Variants in TTN observed in about 807,000 individuals in gnomAD.
TTN encodes connectin.
Under a neutral mutation model 3,223.0 loss-of-function variants are expected in TTN, and 1,525 were observed. The observed-to-expected ratio is 0.47, with a 90% CI of 0.45 to 0.49. The LOEUF is 0.49. Among genes scored for constraint, TTN ranks in the 20% least tolerant of loss-of-function variants. The pLI is 0.00. For missense variants in TTN, 40,786 were observed against 43,424.0 expected (o/e 0.94, Z 5.40); for synonymous variants, 14,094 against 15,161.0 (o/e 0.93, Z 5.17).
Position 178,614,102 on chromosome 2 carries a change from C to A in TTN, c.49295G>T (p.Gly16432Val). Reference sequence around the variant, plus strand: ...AGAGGCCTGAACTGGTTCACCAACACCATACATGTTTTCTGCAGCAACTCT... The same window carrying A: ...AGAGGCCTGAACTGGTTCACCAACAACATACATGTTTTCTGCAGCAACTCT... The part of the protein sequence containing the change: ...IFRVAAENMY[G>V]VGEPVQASPI... The change falls in exon 262 of 363, where the codon GGT becomes GTT. Residue 16432 changes from glycine to valine, a missense_variant. Physicochemically the swap from Gly to Val is moderately radical, Grantham distance 109. Transcript: ENST00000589042. 1 of 1,612,474 alleles carries A rather than the reference C, an allele frequency of 6.2e-7. No individual in the cohort carries two copies. The highest frequency in any genetic ancestry group is 2.2e-5 in the East Asian group (1 of 44,536).
intron 13 of TTN, 66 bp from the exon 14 acceptor site, chr2:178,786,207 C>T: frequency 6.4e-7 from 1 of 1,558,534 alleles, no homozygotes; most frequent in Non-Finnish European, 8.8e-7. Flanking sequence ...ATCTCCTGGG[C>T]ATCAGGACAG....
rs890681079 is a variant in TTN at position 178,636,555 on chromosome 2, G to A, written c.41172C>T (p.Ser13724=). ...TGTGCTTGGGACTCTCACGGATATT[G>A]CTACCGTCTTTCATCCAGGTTGTAA... ...TAITTWMKDG[S]NIRESPKHRF... The change falls in exon 225 of 363, where the codon AGC becomes AGT. Residue 13724 remains serine (S), a synonymous_variant. Coordinates refer to ENST00000589042, the MANE Select transcript of TTN (RefSeq NM_001267550.2). This position sits in a 1 kb window ranked among gnomAD's most constrained non-coding sequence, Gnocchi z 4.3. The A allele has an allele frequency of 6.2e-7, 1 of 1,613,334 alleles. No individual in the cohort carries two copies. Among genetic ancestry groups the A allele is most frequent in the Non-Finnish European group, 8.5e-7 (1 of 1,179,610 alleles).
rs1259557024 is a variant in TTN at position 178,727,690 on chromosome 2, A to G, written c.19888T>C (p.Phe6630Leu). 4 of 1,613,186 alleles carry G rather than the reference A, an allele frequency of 2.5e-6. No homozygotes were observed. The Admixed American group carries it at 6.7e-5, about 27-fold the overall frequency. ...CFIGLEGSTSFLNLYSVDASK... is the reference protein window; with the variant it reads ...CFIGLEGSTSLLNLYSVDASK... ...GCATCCACTGAGTAGAGATTTAAGA[A>G]GCTAGTCGACCCTTCCAAGCCAATG... is the stretch of plus-strand genomic sequence containing the variant. Residue 6630 changes from phenylalanine (F) to leucine (L), a missense_variant, in exon 68 of 363, where the codon TTC becomes CTC. Coordinates refer to ENST00000589042, the MANE Select transcript of TTN (RefSeq NM_001267550.2).
intron 334 of TTN, 26 bp from the exon 335 acceptor site, chr2:178,553,422 A>G (rs1463638523): frequency 3.8e-6 from 6 of 1,573,292 alleles, no homozygotes; most frequent in African/African-American, 2.7e-5. Context: ...GGATACATAC[A>G]GTGAATTTTA....
Position 178,575,988 on chromosome 2 carries a change from T to C in TTN, c.70144A>G (p.Asn23382Asp). The C allele has an allele frequency of 6.2e-7, 1 of 1,611,730 alleles. No individual in the cohort carries two copies. Among genetic ancestry groups the C allele is most frequent in the Non-Finnish European group, 8.5e-7 (1 of 1,178,136 alleles). ...TTGGCTCGGTTTTTCAGGTTGATGT[T>C]ATCTTTGGTCCATGTCACTTCAGGA... ...PAPEVTWTKD[N>D]INLKNRANIE... The change falls in exon 326 of 363, where the codon AAC becomes GAC. Residue 23382 changes from asparagine (N) to aspartate (D), a missense_variant. Asn to Asp is a conservative substitution (Grantham distance 23). Transcript: ENST00000589042. The surrounding 1 kb of genome is among the most constrained non-coding windows in gnomAD (Gnocchi z 4.0).
chr2:178,532,370 G>A lies in TTN; in HGVS notation c.104245C>T (p.Arg34749Trp), dbSNP rs962181882. Reference protein sequence around the residue: ...ASTSYAELRERHAQAAYRQPK... With the variant: ...ASTSYAELREWHAQAAYRQPK... ...TGTCTGTACGCAGCCTGGGCATGCC[G>A]TTCCCTCAGTTCTGCATAACTTGTA... is the stretch of plus-strand genomic sequence containing the variant. Residue 34749 changes from arginine (R) to tryptophan (W), a missense_variant, in exon 358 of 363, where the codon CGG becomes TGG. Coordinates refer to ENST00000589042, the MANE Select transcript of TTN (RefSeq NM_001267550.2). 13 of 1,613,854 alleles carry A rather than the reference G, an allele frequency of 8.1e-6. No individual in the cohort carries two copies. Among genetic ancestry groups the A allele is most frequent in the Middle Eastern group, 3.3e-4 (2 of 6,082 alleles).
rs766058653 is a variant in TTN at position 178,672,021 on chromosome 2, A to G, written c.35177T>C (p.Phe11726Ser). 1.9e-6 allele frequency: 3 copies of G among 1,608,898 alleles called. No homozygotes were observed. The South Asian group carries it at 3.4e-5, about 18-fold the overall frequency. ...AAATACTTCCACTTCTTCAGCCTCA[A>G]AAACTTCTATTACCCTATGAACTTT... ...VEKVHRVIEV[F>S]EAEEVEVFEK... Residue 11726 changes from phenylalanine (F) to serine (S), a missense_variant, in exon 155 of 363, where the codon TTT becomes TCT. Coordinates refer to ENST00000589042, the MANE Select transcript of TTN (RefSeq NM_001267550.2).
chr2:178,581,393 G>T, intron 316 of TTN, 106 bp downstream of exon 316: 1 of 975,808 alleles, frequency 1.0e-6, no homozygotes, highest in Non-Finnish European at 1.4e-6. Flanking sequence ...GGAGTTACCA[G>T]CTCTACACCT....
chr2:178,710,188 G>A (rs1442287752), intron 98 of TTN, among the ~76,000 whole-genome samples: 1 of 152,250 alleles, frequency 6.6e-6, no homozygotes. Flanking sequence ...GCTCATGCCT[G>A]TAATCCCAGC....
Position 178,551,735 on chromosome 2 carries a change from G to A in TTN, c.91165C>T (p.Leu30389=). The A allele has an allele frequency of 6.2e-7, 1 of 1,613,828 alleles. No individual in the cohort carries two copies. Among genetic ancestry groups the A allele is most frequent in the South Asian group, 1.1e-5 (1 of 91,066 alleles). ...ISGREYRATG[L]VEGLDYQFRV... is the part of the protein sequence containing the mutation. ...AATTGGTAATCCAGACCTTCTACCA[G>A]TCCAGTGGCTCTATATTCTCTTCCA... Residue 30389 remains leucine (L), a synonymous_variant, in exon 335 of 363, where the codon CTG becomes TTG. Transcript: ENST00000589042.
chr2:178,796,207 A>T (rs2154356760), intron 6 of TTN, among the ~76,000 whole-genome samples: 1 of 152,178 alleles, frequency 6.6e-6, no homozygotes, highest in African/African-American at 2.4e-5. Flanking sequence ...GTAAGGTAAA[A>T]TTTTTTTCAG....
At position 178,609,942 on chromosome 2, in the gene TTN, C is replaced by A; in HGVS notation, c.51481G>T (p.Ala17161Ser). 1.2e-6 allele frequency: 2 copies of A among 1,612,818 alleles called. No homozygotes were observed. Among genetic ancestry groups the A allele is most frequent in the South Asian group, 2.2e-5 (2 of 91,020 alleles). ...PVDVEVHNPT[A>S]EAMTITWKPP... ...TTCCATGTAATAGTCATTGCCTCCGCTGTAGGATTATGAACCTCTACATCT... is the reference window on the plus strand; with the variant it reads ...TTCCATGTAATAGTCATTGCCTCCGATGTAGGATTATGAACCTCTACATCT... Residue 17161 changes from alanine (A) to serine (S), a missense_variant, in exon 272 of 363, where the codon GCG (alanine) becomes TCG (serine). Physicochemically the swap from Ala to Ser is moderately conservative, Grantham distance 99 (BLOSUM62 1). Coordinates refer to ENST00000589042, the MANE Select transcript of TTN (RefSeq NM_001267550.2).
intron 250 of TTN, 179 bp downstream of exon 250, chr2:178,619,442 T>C: frequency 1.5e-6 from 1 of 683,978 alleles, no homozygotes; most frequent in Non-Finnish European, 2.4e-6. Context: ...ATTATTGCTA[T>C]TAATTTCCTC....
In TTN at chr2:178,779,305, C is replaced by T. The variant is rs2092554276; in HGVS notation, c.3887G>A (p.Arg1296Lys). 1.9e-6 allele frequency: 3 copies of T among 1,613,670 alleles called. No homozygotes were observed. The highest frequency in any genetic ancestry group is 2.5e-6 in the Non-Finnish European group (3 of 1,179,732). ...CTCAAGAATTCTATAATTCTTGATT[C>T]TTGAATCAAATCCTGATTCAACAGC... ...SEAVESGFDS[R>K]IKNYRILEGM... The change falls in exon 23 of 363, where the codon AGA (arginine) becomes AAA (lysine). Residue 1296 changes from arginine (R) to lysine (K), a missense_variant. Arg to Lys is a conservative substitution (Grantham distance 26, BLOSUM62 2). Coordinates refer to ENST00000589042, the MANE Select transcript of TTN (RefSeq NM_001267550.2).
chr2:178,770,897 G>A (rs934821470), intron 34 of TTN: 6 of 813,978 alleles, frequency 7.4e-6, no homozygotes, highest in African/African-American at 5.0e-5. Context: ...TGCTTTAGTA[G>A]TATGAAGTTT....
rs757149649 is a variant in TTN at position 178,782,397 on chromosome 2, A to T, written c.3195T>A (p.Thr1065=). The part of the protein sequence containing the change: ...RFVESRDVVM[T]DTSLTEEQAG... ...CTTGTTCCTCTGTGAGGCTAGTATCAGTCATAACCACATCTCTTGACTCAA... is the reference window on the plus strand; with the variant it reads ...CTTGTTCCTCTGTGAGGCTAGTATCTGTCATAACCACATCTCTTGACTCAA... The change falls in exon 20 of 363, where the codon ACT becomes ACA. Residue 1065 remains threonine, a synonymous_variant. Coordinates refer to ENST00000589042, the MANE Select transcript of TTN (RefSeq NM_001267550.2). 1 of 1,614,110 alleles carries T rather than the reference A, an allele frequency of 6.2e-7. No individual in the cohort carries two copies. Among genetic ancestry groups the T allele is most frequent in the Non-Finnish European group, 8.5e-7 (1 of 1,179,992 alleles).
In TTN at chr2:178,580,117, C is replaced by T. The variant is rs2047364062; in HGVS notation, c.67170G>A (p.Val22390=). Residue 22390 remains valine (V), a synonymous_variant, in exon 318 of 363, where the codon GTG becomes GTA. Coordinates refer to ENST00000589042, the MANE Select transcript of TTN (RefSeq NM_001267550.2). ...IDGGSPIINY[V]VQKRDAERKS... ...TCCTCTCTGCATCACGTTTTTGTAC[C>T]ACATAGTTTATGATGGGGCTTCCGC... is the stretch of plus-strand genomic sequence containing the variant. The T allele has an allele frequency of 6.2e-7, 1 of 1,613,216 alleles. No individual in the cohort carries two copies. The highest frequency in any genetic ancestry group is 1.1e-5 in the South Asian group (1 of 91,062).
Position 178,599,740 on chromosome 2 carries a change from C to A in TTN, c.56161G>T (p.Ala18721Ser). 6.2e-7 allele frequency: 1 copy of A among 1,612,824 alleles called. No homozygotes were observed. The highest frequency in any genetic ancestry group is 8.5e-7 in the Non-Finnish European group (1 of 1,179,278). Residue 18721 changes from alanine (A) to serine (S), a missense_variant, in exon 289 of 363, where the codon GCT (alanine) becomes TCT (serine). Coordinates refer to ENST00000589042, the MANE Select transcript of TTN (RefSeq NM_001267550.2). Reference sequence around the variant, plus strand: ...TTGTTATCAGGCTTCTTTGGAGGAGCTTTAAACCAGGTTAGTGTCGGGAAT... The same window carrying A: ...TTGTTATCAGGCTTCTTTGGAGGAGATTTAAACCAGGTTAGTGTCGGGAAT... ...VPFPTLTWFKAPPKKPDNKEP... is the reference protein window; with the variant it reads ...VPFPTLTWFKSPPKKPDNKEP...
Position 178,571,164 on chromosome 2 carries a change from C to T in TTN, c.74968G>A (p.Gly24990Ser), listed in dbSNP as rs727503561. The T allele has an allele frequency of 6.2e-6, 10 of 1,613,364 alleles. No homozygotes were observed. In the East Asian group the frequency reaches 1.8e-4, roughly 29 times the overall value. ...EFRVSAENIV[G>S]IGKPSKVSEC... ...GATACTTTACTCGGCTTGCCAATGCCCACGATGTTCTCTGCAGAGACTCTA... is the reference window on the plus strand; with the variant it reads ...GATACTTTACTCGGCTTGCCAATGCTCACGATGTTCTCTGCAGAGACTCTA... Residue 24990 changes from glycine to serine, a missense_variant, in exon 326 of 363, where the codon GGC becomes AGC. By Grantham distance (56) the Gly-to-Ser change is moderately conservative. Transcript: ENST00000589042.
Sources: allele counts gnomAD v4.1 joint callset (sites outside exome capture counted in the v4.1 genomes callset), GRCh38; gene constraint gnomAD v4.1.1; non-coding constraint Gnocchi (gnomAD v3.1); transcripts MANE v1.5; gene names NCBI Gene and HGNC (gene_info 2026-07-23, HGNC 2026-07-21).